CAMTA1: variants seen among roughly 807,000 people sequenced by gnomAD.
The protein encoded by CAMTA1 is calmodulin-binding transcription activator 1.
Under a neutral mutation model 170.9 loss-of-function variants are expected in CAMTA1, and 27 were observed. The observed-to-expected ratio is 0.16, with a 90% CI of 0.12 to 0.22. The LOEUF is 0.22. CAMTA1 is among the 10% of genes least tolerant of loss of function. The pLI is 1.00. For missense variants in CAMTA1, 1,619 were observed against 2,217.2 expected (o/e 0.73, Z 5.42); for synonymous variants, 833 against 891.5 (o/e 0.93, Z 1.17).
At chr1:7,523,136 G>A (rs2094387842) in intron 6 of CAMTA1, among the ~76,000 whole-genome samples, 1 of 152,138 alleles carries the variant, frequency 6.6e-6, no homozygotes, top group South Asian at 2.1e-4. Context: ...CAAAGTTCTG[G>A]GATTACAGGC....
intron 3 of CAMTA1, among the ~76,000 whole-genome samples, chr1:6,855,935 C>G (rs1324866363): frequency 6.6e-6 from 1 of 152,170 alleles, no homozygotes; most frequent in Non-Finnish European, 1.5e-5. Context: ...CAAGAAGTTG[C>G]TGGCATGTCA....
chr1:7,704,606 C>T (rs1220364864), intron 11 of CAMTA1, among the ~76,000 whole-genome samples: 1 of 148,880 alleles, frequency 6.7e-6, no homozygotes, highest in Admixed American at 6.7e-5. Flanking sequence ...CTCTGCCCGG[C>T]TCCGGGTGAC....
chr1:6,866,413 AC>A (rs1213931995), intron 3 of CAMTA1, among the ~76,000 whole-genome samples: 1 of 152,144 alleles, frequency 6.6e-6, no homozygotes, highest in Non-Finnish European at 1.5e-5. Flanking sequence ...ATGAAAGTGA[AC>A]CCTGGTATGC....
At chr1:7,303,145 T>G (rs2149563767) in intron 5 of CAMTA1, among the ~76,000 whole-genome samples, 1 of 152,310 alleles carries the variant, frequency 6.6e-6, no homozygotes, top group South Asian at 2.1e-4. Flanking sequence ...AAGCACTCAC[T>G]AAACATTAAC....
intron 4 of CAMTA1, among the ~76,000 whole-genome samples, chr1:7,119,245 C>G (rs1479556950): frequency 6.6e-6 from 1 of 152,192 alleles, no homozygotes; most frequent in African/African-American, 2.4e-5. Flanking sequence ...TCAAGAGCCA[C>G]TGCGGCACTG....
rs564763123 is a variant in CAMTA1, at chr1:7,642,544, C to T, written c.664+1991C>T. ...GCACCTCACTATGCAGGGCTGGCACCGGACACTGGGTCCTGCCTAGACCCC... is the reference window on the plus strand; with the variant it reads ...GCACCTCACTATGCAGGGCTGGCACTGGACACTGGGTCCTGCCTAGACCCC... On this transcript the variant is annotated intron_variant, in intron 7 of 22. Transcript: ENST00000303635. This position sits in a 1 kb window ranked among gnomAD's most constrained non-coding sequence, Gnocchi z 6.3. Among the ~76,000 whole-genome samples, 5 of 152,168 alleles carry T rather than the reference C, an allele frequency of 3.3e-5. No individual in the cohort carries two copies. Among genetic ancestry groups the T allele is most frequent in the Non-Finnish European group, 7.4e-5 (5 of 68,004 alleles).
chr1:7,080,910 G>A (rs1639914635), intron 3 of CAMTA1, among the ~76,000 whole-genome samples: 1 of 152,156 alleles, frequency 6.6e-6, no homozygotes, highest in Admixed American at 6.5e-5. Flanking sequence ...AAATATCAGG[G>A]GTAAAGCAGC....
At chr1:7,348,020 A>G (rs1304216998) in intron 5 of CAMTA1, among the ~76,000 whole-genome samples, 1 of 152,200 alleles carries the variant, frequency 6.6e-6, no homozygotes, top group African/African-American at 2.4e-5. Flanking sequence ...TACACCGTGT[A>G]GAGGACTGGA....
At position 7,592,820 on chromosome 1, in the gene CAMTA1, G is replaced by A. The variant is rs942164410; in HGVS notation, c.511-47580G>A. On this transcript the variant is annotated intron_variant, in intron 6 of 22. Coordinates refer to ENST00000303635, the MANE Select transcript of CAMTA1 (RefSeq NM_015215.4). This position sits in a 1 kb window ranked among gnomAD's most constrained non-coding sequence, Gnocchi z 4.6. ...CTCACACACCTCAGCCTCTATAACA[G>A]TAACAACAGTAATAGCTATGGCCAT... Among the ~76,000 whole-genome samples, 37 of 152,250 alleles carry A rather than the reference G, an allele frequency of 2.4e-4. No homozygotes were observed. Among genetic ancestry groups the A allele is most frequent in the African/African-American group, 8.4e-4 (35 of 41,554 alleles).
intron 4 of CAMTA1, among the ~76,000 whole-genome samples, chr1:7,159,604 C>T (rs1432184344): frequency 6.6e-6 from 1 of 152,120 alleles, no homozygotes; most frequent in African/African-American, 2.4e-5. Flanking sequence ...AGTGCAATGA[C>T]ACAATCATAG....
intron 22 of CAMTA1, 99 bp from the exon 23 acceptor site, chr1:7,766,360 G>C: frequency 9.2e-7 from 1 of 1,084,442 alleles, no homozygotes; most frequent in Non-Finnish European, 1.4e-6. Flanking sequence ...TTTAGTCTTG[G>C]CTTTTCAGTT....
At position 7,293,838 on chromosome 1, in the gene CAMTA1, C is replaced by T. The variant is rs186525253; in HGVS notation, c.438+44212C>T. 4.6e-5 allele frequency among the ~76,000 whole-genome samples: 7 copies of T among 152,318 alleles called. No homozygotes were observed. The East Asian group carries it at 7.7e-4, about 17-fold the overall frequency. ...TGCCCCTCGCTTTTCTCTGAAAACT[C>T]GGCATGCCCCGGGGGGCCTCTTTGG... is the stretch of plus-strand genomic sequence containing the variant. On this transcript the variant is annotated intron_variant, in intron 5 of 22. Transcript: ENST00000303635. This position sits in a 1 kb window ranked among gnomAD's most constrained non-coding sequence, Gnocchi z 4.1.
chr1:7,357,210 A>G (rs78472049), intron 5 of CAMTA1, among the ~76,000 whole-genome samples: 4,322 of 152,274 alleles, frequency 0.028, 196 homozygotes, highest in African/African-American at 0.097. Flanking sequence ...GAAGGCATCG[A>G]GGGATGCCCC....
chr1:7,427,243 A>G (rs2091912884), intron 5 of CAMTA1, among the ~76,000 whole-genome samples: 1 of 152,232 alleles, frequency 6.6e-6, no homozygotes, highest in Admixed American at 6.5e-5. Context: ...CACAAATGTC[A>G]GAAAAGCTCC....
At position 7,293,855 on chromosome 1, in the gene CAMTA1, C is replaced by T. The variant is rs1673526772; in HGVS notation, c.438+44229C>T. Among the ~76,000 whole-genome samples, 1 of 152,190 alleles carries T rather than the reference C, an allele frequency of 6.6e-6. No individual in the cohort carries two copies. Among genetic ancestry groups the T allele is most frequent in the Admixed American group, 6.5e-5 (1 of 15,292 alleles). ...TGAAAACTCGGCATGCCCCGGGGGG[C>T]CTCTTTGGAGCCTGTTGGAGGAGAT... is the stretch of plus-strand genomic sequence containing the variant. On this transcript the variant is annotated intron_variant, in intron 5 of 22. Coordinates refer to ENST00000303635, the MANE Select transcript of CAMTA1 (RefSeq NM_015215.4). This position sits in a 1 kb window ranked among gnomAD's most constrained non-coding sequence, Gnocchi z 4.1.
chr1:7,197,628 CCACACACACACACACA>C (rs3222484), intron 4 of CAMTA1, among the ~76,000 whole-genome samples: 253 of 109,872 alleles, frequency 2.3e-3, no homozygotes, highest in African/African-American at 6.8e-3. Context: ...TTGTCCCCCA[CCACACACACACACACA>C]CACACACACA....
chr1:7,022,752 G>A (rs565973973), intron 3 of CAMTA1, among the ~76,000 whole-genome samples: 2 of 152,176 alleles, frequency 1.3e-5, no homozygotes, highest in Non-Finnish European at 2.9e-5. Context: ...CTGAGTCTGG[G>A]GGAAGGAGGA....
At chr1:7,719,809 T>C (rs1330533451) in intron 11 of CAMTA1, among the ~76,000 whole-genome samples, 7 of 152,238 alleles carry the variant, frequency 4.6e-5, no homozygotes, top group Non-Finnish European at 8.8e-5. Context: ...CTAAAAAATT[T>C]AGGAGACTTC....
At chr1:7,198,843 T>TG (rs1193852548) in intron 4 of CAMTA1, among the ~76,000 whole-genome samples, 2 of 152,138 alleles carry the variant, frequency 1.3e-5, no homozygotes, top group Non-Finnish European at 2.9e-5. Context: ...GTAGTGAGTC[T>TG]GGGGGAGCCC....
Sources: gnomAD v4.1 joint callset for allele counts (sites outside exome capture counted in the v4.1 genomes callset) on GRCh38, gnomAD v4.1.1 for gene constraint, Gnocchi (gnomAD v3.1) non-coding constraint, MANE v1.5 for transcripts, NCBI Gene and HGNC (gene_info 2026-07-23, HGNC 2026-07-21) for gene names.